MAOB: variants seen among roughly 807,000 people sequenced by gnomAD.
The protein encoded by MAOB is monoamine oxidase B, also known as amine oxidase [flavin-containing] B.
A neutral mutation model predicts 41.9 loss-of-function variants in MAOB; 15 were observed. The observed-to-expected ratio is 0.36, with a 90% confidence interval of 0.24 to 0.55. The LOEUF is 0.55. Ranked by LOEUF, MAOB falls within the 20% of genes least tolerant of loss-of-function variation. The probability of loss-of-function intolerance (pLI) is 0.86; values close to 1 mark genes in which losing one functional copy is unlikely to be tolerated. For synonymous variants in MAOB, 167 were observed against 144.2 expected, an observed-to-expected ratio of 1.16 and a Z score of -1.13; for missense variants, 345 against 398.7, an observed-to-expected ratio of 0.87 and a Z score of 1.15.
At position 43,797,111 on chromosome X, in the gene MAOB, G is replaced by T; in HGVS notation, c.618+14C>A. The stretch of plus-strand genomic sequence containing the variant: ...GTGTTTTTCCATTGGGACTGTGGAA[G>T]AATGGATGGGTACCTGTCCTCCATT... On this transcript the variant is annotated intron_variant, in intron 6 of 14. Transcript: ENST00000378069. The T allele has an allele frequency of 8.4e-7, 1 of 1,195,143 alleles. No individual in the cohort carries two copies.
intron 1 of MAOB, among the ~76,000 whole-genome samples, chrX:43,848,631 C>T (rs903907241): frequency 8.9e-6 from 1 of 111,975 alleles, no homozygotes; most frequent in African/African-American, 3.2e-5. Context: ...TGGCTCACTG[C>T]AACCTCTGCC....
Position 43,781,498 on chromosome X carries a change from G to A in MAOB, c.975C>T (p.Ala325=), listed in dbSNP as rs1198303063. The A allele has an allele frequency of 8.3e-7, 1 of 1,200,926 alleles. No homozygotes were observed. The highest frequency in any genetic ancestry group is 1.1e-6 in the Non-Finnish European group (1 of 888,727). The change falls in exon 9 of 15, where the codon GCC becomes GCT. Residue 325 remains alanine, a synonymous_variant. Transcript: ENST00000378069. ...MIIDGEEAPV[A]YTLDDTKPEG... is the part of the protein sequence containing the mutation. ...CAGGTTTGGTATCATCCAACGTGTAGGCAACTGGAGCTTCTTCTCCATCAA... is the reference window on the plus strand; with the variant it reads ...CAGGTTTGGTATCATCCAACGTGTAAGCAACTGGAGCTTCTTCTCCATCAA...
At chrX:43,856,169 C>T (rs1485721714) in intron 1 of MAOB, among the ~76,000 whole-genome samples, 5 of 111,342 alleles carry the variant, frequency 4.5e-5, no homozygotes, top group African/African-American at 9.8e-5. Context: ...CTGCAATCTC[C>T]GTCTCCTGGG....
chrX:43,838,195 A>G (rs1484542539), intron 3 of MAOB, among the ~76,000 whole-genome samples: 2 of 111,812 alleles, frequency 1.8e-5, no homozygotes, highest in East Asian at 2.8e-4. Flanking sequence ...AAATCAGGAC[A>G]AAGAGGTGAG....
chrX:43,865,083 C>T (rs2035356467), intron 1 of MAOB, among the ~76,000 whole-genome samples: 1 of 112,176 alleles, frequency 8.9e-6, no homozygotes. Flanking sequence ...TATCTCCACA[C>T]AAAAACTTGT....
intron 7 of MAOB, among the ~76,000 whole-genome samples, chrX:43,793,907 C>T (rs764117913): frequency 9.0e-6 from 1 of 111,616 alleles, no homozygotes; most frequent in South Asian, 3.8e-4. Context: ...GACCCAGTCT[C>T]ACTCTGTCGC....
chrX:43,849,225 A>G (rs1017580970), intron 1 of MAOB, among the ~76,000 whole-genome samples: 1 of 111,686 alleles, frequency 9.0e-6, no homozygotes, highest in Non-Finnish European at 1.9e-5. Flanking sequence ...TATCCTCCCA[A>G]TAACTATGAG....
intron 3 of MAOB, among the ~76,000 whole-genome samples, chrX:43,821,124 T>C (rs2034874588): frequency 1.8e-5 from 2 of 111,929 alleles, no homozygotes; most frequent in Admixed American, 1.9e-4. Context: ...TACACACACC[T>C]TGAGCCTCCC....
chrX:43,829,814 A>G (rs1214251528), intron 3 of MAOB, among the ~76,000 whole-genome samples: 1 of 112,056 alleles, frequency 8.9e-6, no homozygotes, highest in Non-Finnish European at 1.9e-5. Context: ...AACAAATTTA[A>G]GATGGATTAG....
intron 1 of MAOB, among the ~76,000 whole-genome samples, chrX:43,874,552 A>C (rs1004706147): frequency 1.4e-4 from 16 of 111,205 alleles, no homozygotes; most frequent in Non-Finnish European, 2.6e-4. Context: ...GGAAAACCTA[A>C]CTTTTCACTT....
intron 3 of MAOB, among the ~76,000 whole-genome samples, chrX:43,830,743 C>T (rs1474476391): frequency 9.0e-6 from 1 of 111,715 alleles, no homozygotes; most frequent in East Asian, 2.8e-4. Context: ...TCCCCAGAAC[C>T]TATTAGAAAA....
intron 3 of MAOB, among the ~76,000 whole-genome samples, chrX:43,805,839 T>A (rs2034656226): frequency 8.9e-6 from 1 of 112,042 alleles, no homozygotes; most frequent in Admixed American, 9.5e-5. Context: ...ACTTTTTAAG[T>A]TTAATAGTGT....
chrX:43,870,038 C>T (rs2035390601), intron 1 of MAOB, among the ~76,000 whole-genome samples: 1 of 112,220 alleles, frequency 8.9e-6, no homozygotes, highest in Non-Finnish European at 1.9e-5. Context: ...TTTCAACACC[C>T]TGTGAGAAAT....
intron 1 of MAOB, among the ~76,000 whole-genome samples, chrX:43,844,816 G>C (rs1169795837): frequency 8.9e-6 from 1 of 111,851 alleles, no homozygotes; most frequent in Admixed American, 9.4e-5. Context: ...TTTTGGCCTC[G>C]GACTGGGAGC....
chrX:43,778,656 A>C lies in MAOB; in HGVS notation c.1137+26T>G, dbSNP rs764934624. ...GGACAAAGAAAGGCCTCTCACCCTT[A>C]GTATAGGGTTGGGAAGCAGCCTTAC... On this transcript the variant is annotated intron_variant, in intron 11 of 14. Transcript: ENST00000378069. 3.4e-6 allele frequency: 4 copies of C among 1,168,457 alleles called. No individual in the cohort carries two copies. In the South Asian group the frequency reaches 7.4e-5, roughly 22 times the overall value.
intron 10 of MAOB, among the ~76,000 whole-genome samples, chrX:43,779,959 C>A (rs984536423): frequency 9.0e-6 from 1 of 111,396 alleles, no homozygotes; most frequent in Admixed American, 9.6e-5. Context: ...AGCAGACTTC[C>A]CCACAACACA....
chrX:43,805,956 A>G (rs1049468818), intron 3 of MAOB, among the ~76,000 whole-genome samples: 1 of 112,739 alleles, frequency 8.9e-6, no homozygotes, highest in African/African-American at 3.2e-5. Context: ...TATGCTTTAA[A>G]TATAGTTTCT....
At chrX:43,876,344 A>T (rs960998139) in intron 1 of MAOB, among the ~76,000 whole-genome samples, 1 of 112,568 alleles carries the variant, frequency 8.9e-6, no homozygotes, top group Admixed American at 9.4e-5. Flanking sequence ...ATGCAGTCAC[A>T]TTCCATCATG....
chrX:43,854,513 G>C (rs929131256), intron 1 of MAOB, among the ~76,000 whole-genome samples: 1 of 111,063 alleles, frequency 9.0e-6, no homozygotes, highest in African/African-American at 3.3e-5. Flanking sequence ...GGCCTGTAAG[G>C]GGGTGGGGGA....
Sources: allele counts gnomAD v4.1 joint callset (sites outside exome capture counted in the v4.1 genomes callset), GRCh38; gene constraint gnomAD v4.1.1; transcripts MANE v1.5; gene names NCBI Gene and HGNC (gene_info 2026-07-23, HGNC 2026-07-21).